ADARB1: variants seen among roughly 807,000 people sequenced by gnomAD.
The protein encoded by ADARB1 is adenosine deaminase RNA specific B1.
In ADARB1, 10 loss-of-function variants were observed where a neutral mutation model predicts 52.4. The observed-to-expected ratio is 0.19, with a 90% CI of 0.12 to 0.32. The LOEUF is 0.32. Ranked by LOEUF, ADARB1 falls within the 10% of genes least tolerant of loss-of-function variation. The pLI, the probability that ADARB1 is intolerant of heterozygous loss-of-function variation, is 1.00. For missense variants in ADARB1, 643 were observed against 922.3 expected, an observed-to-expected ratio of 0.70 and a Z score of 3.92; for synonymous variants, 349 against 371.1, an observed-to-expected ratio of 0.94 and a Z score of 0.68.
At chr21:45,121,111 A>G (rs1169123731) in intron 1 of ADARB1, among the ~76,000 whole-genome samples, 1 of 152,124 alleles carries the variant, frequency 6.6e-6, no homozygotes, top group Non-Finnish European at 1.5e-5. Flanking sequence ...TACTACCGAG[A>G]TTATACTGGG....
intron 8 of ADARB1, among the ~76,000 whole-genome samples, chr21:45,185,787 A>G (rs954488880): frequency 7.2e-5 from 11 of 152,274 alleles, no homozygotes; most frequent in South Asian, 4.1e-4. Flanking sequence ...GGCAAAAAGC[A>G]TACAATGATA....
At chr21:45,194,995 A>G (rs1399347588) in intron 8 of ADARB1, among the ~76,000 whole-genome samples, 1 of 152,210 alleles carries the variant, frequency 6.6e-6, no homozygotes, top group African/African-American at 2.4e-5. Flanking sequence ...AAACTGCCAA[A>G]CTGTCCTTCA....
At chr21:45,081,419 A>G (rs1267327643) in intron 1 of ADARB1, among the ~76,000 whole-genome samples, 1 of 152,222 alleles carries the variant, frequency 6.6e-6, no homozygotes, top group African/African-American at 2.4e-5. Context: ...TGCATGCGAT[A>G]TTAAGTACTT....
At chr21:45,166,556 G>A (rs1007912324) in intron 2 of ADARB1, among the ~76,000 whole-genome samples, 1 of 152,282 alleles carries the variant, frequency 6.6e-6, no homozygotes, top group East Asian at 1.9e-4. Context: ...CTCTTTGTCC[G>A]TGAGCCACGC....
chr21:45,209,447 G>C (rs2092726330), intron 9 of ADARB1, among the ~76,000 whole-genome samples: 1 of 152,178 alleles, frequency 6.6e-6, no homozygotes, highest in Non-Finnish European at 1.5e-5. Flanking sequence ...GGTTGTTTTT[G>C]TTTGGTTTTT....
At chr21:45,077,974 G>A (rs931931590) in intron 1 of ADARB1, among the ~76,000 whole-genome samples, 5 of 152,154 alleles carry the variant, frequency 3.3e-5, no homozygotes, top group Non-Finnish European at 5.9e-5. Flanking sequence ...AGGGCTTACC[G>A]CACCTTCCAT....
intron 2 of ADARB1, chr21:45,134,773 C>G (rs752786710): frequency 1.9e-5 from 10 of 534,096 alleles, no homozygotes; most frequent in Non-Finnish European, 3.8e-5. Context: ...TTGAGGACCC[C>G]CTAGAGGCCA....
At chr21:45,154,707 T>A (rs574699204) in intron 2 of ADARB1, among the ~76,000 whole-genome samples, 1 of 152,142 alleles carries the variant, frequency 6.6e-6, no homozygotes, top group African/African-American at 2.4e-5. Flanking sequence ...GAGCCTCAGA[T>A]GGGTTAGCTT....
intron 8 of ADARB1, among the ~76,000 whole-genome samples, chr21:45,202,601 C>T (rs1332230930): frequency 6.6e-6 from 1 of 152,174 alleles, no homozygotes. Flanking sequence ...CTCCTCCAGT[C>T]TCAAGTCCTG....
At chr21:45,084,072 G>A (rs1300675313) in intron 1 of ADARB1, among the ~76,000 whole-genome samples, 2 of 152,206 alleles carry the variant, frequency 1.3e-5, no homozygotes, top group Non-Finnish European at 2.9e-5. Flanking sequence ...TGGGAGATCA[G>A]GATTGTAATC....
intron 1 of ADARB1, among the ~76,000 whole-genome samples, chr21:45,099,624 G>A (rs1678743834): frequency 6.6e-6 from 1 of 152,296 alleles, no homozygotes; most frequent in Non-Finnish European, 1.5e-5. Context: ...GGGTGACAGA[G>A]CGAGACTCTG....
chr21:45,129,698 A>T (rs1303254488), intron 2 of ADARB1, among the ~76,000 whole-genome samples: 1 of 152,134 alleles, frequency 6.6e-6, no homozygotes, highest in African/African-American at 2.4e-5. Flanking sequence ...GTGTGGACAG[A>T]TGGGAGTGGC....
intron 2 of ADARB1, among the ~76,000 whole-genome samples, chr21:45,166,631 G>A (rs1020736663): frequency 1.3e-5 from 2 of 152,270 alleles, no homozygotes; most frequent in East Asian, 3.9e-4. Flanking sequence ...CTGCTCCTTT[G>A]GTTCAGAGTT....
At chr21:45,180,098 C>T (rs567812368) in intron 4 of ADARB1, among the ~76,000 whole-genome samples, 78 of 152,194 alleles carry the variant, frequency 5.1e-4, no homozygotes, top group Non-Finnish European at 9.4e-4. Context: ...TGGCCCCACG[C>T]GGGTGGCGAA....
chr21:45,147,116 G>A (rs1338237095), intron 2 of ADARB1, among the ~76,000 whole-genome samples: 1 of 152,134 alleles, frequency 6.6e-6, no homozygotes, highest in Non-Finnish European at 1.5e-5. Context: ...TTGAGCTTCT[G>A]GCTAGTCCTC....
chr21:45,109,242 T>G (rs548654861), intron 1 of ADARB1, among the ~76,000 whole-genome samples: 1 of 136,950 alleles, frequency 7.3e-6, no homozygotes. Context: ...TATATGTGTG[T>G]GCGCGCGTGT....
intron 5 of ADARB1, 57 bp from the exon 6 acceptor site, chr21:45,182,528 G>A: frequency 6.5e-7 from 1 of 1,547,486 alleles, no homozygotes; most frequent in Non-Finnish European, 8.7e-7. Flanking sequence ...CAGGAGCACA[G>A]TTAGGCAAAC....
At chr21:45,095,079 A>T (rs961586044) in intron 1 of ADARB1, among the ~76,000 whole-genome samples, 4 of 152,212 alleles carry the variant, frequency 2.6e-5, no homozygotes, top group African/African-American at 9.7e-5. Context: ...GTCTCTTGTT[A>T]AGGTCAGTGG....
intron 1 of ADARB1, among the ~76,000 whole-genome samples, chr21:45,105,071 G>T (rs1182919634): frequency 7.1e-6 from 1 of 140,020 alleles, no homozygotes; most frequent in Non-Finnish European, 1.5e-5. Flanking sequence ...ATGCATCGTT[G>T]CTGCTTCGTT....
Sources: allele counts gnomAD v4.1 joint callset (sites outside exome capture counted in the v4.1 genomes callset), GRCh38; gene constraint gnomAD v4.1.1; transcripts MANE v1.5; gene names NCBI Gene and HGNC (gene_info 2026-07-23, HGNC 2026-07-21).